GPAT3: variants seen among roughly 807,000 people sequenced by gnomAD.
GPAT3 encodes the protein 1-AGP acyltransferase 9.
Under a neutral mutation model 58.8 loss-of-function variants are expected in GPAT3, and 53 were observed. The observed-to-expected ratio is 0.90, with a 90% CI of 0.72 to 1.13. The LOEUF is 1.13. GPAT3 is among the 50% of genes most tolerant of loss of function. GPAT3 has a pLI of 0.00. For missense variants in GPAT3, 511 were observed against 527.6 expected, an observed-to-expected ratio of 0.97 and a Z score of 0.31; for synonymous variants, 197 against 187.4, an observed-to-expected ratio of 1.05 and a Z score of -0.42.
chr4:83,564,906 G>A (rs1000010067), intron 2 of GPAT3, among the ~76,000 whole-genome samples: 4 of 151,338 alleles, frequency 2.6e-5, no homozygotes, highest in Admixed American at 2.6e-4. Flanking sequence ...AGTTTTAAGG[G>A]AATTCTCCAA....
At chr4:83,562,693 T>A (rs149052471) in intron 2 of GPAT3, among the ~76,000 whole-genome samples, 172 of 150,890 alleles carry the variant, frequency 1.1e-3, no homozygotes, top group African/African-American at 3.9e-3. Flanking sequence ...TGGAGAAAAA[T>A]TCATAGAAAA....
At chr4:83,579,085 T>TTCTTTCTTC (rs1560621503) in intron 2 of GPAT3, among the ~76,000 whole-genome samples, 6 of 61,902 alleles carry the variant, frequency 9.7e-5, no homozygotes, top group Non-Finnish European at 1.9e-4. Context: ...TTTCTTCCCT[T>TTCTTTCTTC]CCTTCCTTCC....
intron 7 of GPAT3, among the ~76,000 whole-genome samples, chr4:83,596,355 T>C (rs1457604046): frequency 3.9e-5 from 6 of 152,190 alleles, no homozygotes; most frequent in African/African-American, 1.4e-4. Flanking sequence ...GCACATTGGC[T>C]CATGCCTGTA....
At chr4:83,568,448 A>T (rs1725483469) in intron 2 of GPAT3, among the ~76,000 whole-genome samples, 1 of 150,914 alleles carries the variant, frequency 6.6e-6, no homozygotes, top group Middle Eastern at 3.5e-3. Flanking sequence ...AGGCAGGGTT[A>T]TTGCTACCAG....
chr4:83,537,706 G>A (rs188120881), intron 1 of GPAT3, among the ~76,000 whole-genome samples: 1 of 151,148 alleles, frequency 6.6e-6, no homozygotes, highest in Non-Finnish European at 1.5e-5. Context: ...TCTTCCTGCC[G>A]TCACCTCCCA....
intron 2 of GPAT3, among the ~76,000 whole-genome samples, chr4:83,551,828 C>A: frequency 6.8e-6 from 1 of 145,992 alleles, no homozygotes; most frequent in Non-Finnish European, 1.5e-5. Context: ...ATCTATCTAT[C>A]TATCTATCTA....
chr4:83,540,390 C>T (rs1318279720), intron 1 of GPAT3, among the ~76,000 whole-genome samples: 1 of 152,134 alleles, frequency 6.6e-6, no homozygotes, highest in Non-Finnish European at 1.5e-5. Flanking sequence ...TGCCTTGAGA[C>T]AGATATGTTC....
At chr4:83,580,287 AT>A (rs1726058823) in intron 2 of GPAT3, among the ~76,000 whole-genome samples, 2 of 152,168 alleles carry the variant, frequency 1.3e-5, no homozygotes, top group African/African-American at 4.8e-5. Context: ...TAGCTACTTA[AT>A]GTTTTCATTT....
At chr4:83,584,592 G>A (rs1389028379) in intron 3 of GPAT3, among the ~76,000 whole-genome samples, 1 of 152,124 alleles carries the variant, frequency 6.6e-6, no homozygotes, top group Non-Finnish European at 1.5e-5. Context: ...TGCAACCTCT[G>A]CCCGCTGAGT....
chr4:83,536,838 A>G (rs989422834), intron 1 of GPAT3, 75 bp downstream of exon 1: 74 of 1,421,938 alleles, frequency 5.2e-5, no homozygotes, highest in Non-Finnish European at 6.9e-5. Context: ...TCTCAAGGTC[A>G]GTGGTCGCGA....
At chr4:83,567,078 T>C (rs1725424900) in intron 2 of GPAT3, among the ~76,000 whole-genome samples, 1 of 152,256 alleles carries the variant, frequency 6.6e-6, no homozygotes, top group Non-Finnish European at 1.5e-5. Context: ...TATCTTCAGA[T>C]ATTGATAGGC....
chr4:83,596,726 T>A, intron 7 of GPAT3, 132 bp from the exon 8 acceptor site: 1 of 689,892 alleles, frequency 1.4e-6, no homozygotes, highest in Non-Finnish European at 2.5e-6. Flanking sequence ...CAAATTTATT[T>A]CTTTTACCTG....
intron 11 of GPAT3, among the ~76,000 whole-genome samples, chr4:83,601,102 T>C (rs1206687489): frequency 6.6e-6 from 1 of 152,230 alleles, no homozygotes; most frequent in African/African-American, 2.4e-5. Flanking sequence ...AAGCATTCAC[T>C]TCACATCATT....
At chr4:83,593,362 C>A (rs983842595) in intron 6 of GPAT3, among the ~76,000 whole-genome samples, 1 of 148,376 alleles carries the variant, frequency 6.7e-6, no homozygotes, top group Non-Finnish European at 1.5e-5. Flanking sequence ...GATGGGGTTT[C>A]ACCATGTTGG....
intron 1 of GPAT3, among the ~76,000 whole-genome samples, chr4:83,542,840 A>G (rs1724354184): frequency 6.6e-6 from 1 of 151,980 alleles, no homozygotes; most frequent in African/African-American, 2.4e-5. Flanking sequence ...TCTACTAAAA[A>G]TACAAAAATT....
chr4:83,540,586 G>A (rs1724263584), intron 1 of GPAT3, among the ~76,000 whole-genome samples: 1 of 152,180 alleles, frequency 6.6e-6, no homozygotes, highest in Non-Finnish European at 1.5e-5. Context: ...ATAGGGAAGA[G>A]GAGGCTACTT....
intron 2 of GPAT3, among the ~76,000 whole-genome samples, chr4:83,547,499 A>T (rs112979568): frequency 1.3e-5 from 2 of 150,500 alleles, no homozygotes; most frequent in Admixed American, 6.6e-5. Context: ...TGATCTGCCC[A>T]CCTCGGCCTC....
chr4:83,564,499 G>A (rs1313393293), intron 2 of GPAT3, among the ~76,000 whole-genome samples: 1 of 152,062 alleles, frequency 6.6e-6, no homozygotes, highest in Non-Finnish European at 1.5e-5. Flanking sequence ...AGGAGTTCAA[G>A]ACCAGCCTGG....
At chr4:83,547,450 C>T (rs1413746067) in intron 2 of GPAT3, among the ~76,000 whole-genome samples, 1 of 151,820 alleles carries the variant, frequency 6.6e-6, no homozygotes, top group African/African-American at 2.4e-5. Context: ...GACGGGGTTT[C>T]ACCGTGTTAG....
Sources: allele counts gnomAD v4.1 joint callset (sites outside exome capture counted in the v4.1 genomes callset), GRCh38; gene constraint gnomAD v4.1.1; transcripts MANE v1.5; gene names NCBI Gene and HGNC (gene_info 2026-07-23, HGNC 2026-07-21).